The following OLA1 variants were observed in gnomAD, a reference collection of about 807,000 sequenced individuals.
OLA1 encodes the protein Obg like ATPase 1.
In OLA1, 14 loss-of-function variants were observed where a neutral mutation model predicts 48.4. The ratio of observed to expected loss-of-function variants is 0.29; its 90% CI spans 0.19 to 0.45. The LOEUF (loss-of-function observed/expected upper bound fraction) is 0.45. Among genes scored for constraint, OLA1 ranks in the 20% least tolerant of loss-of-function variants. The pLI is 1.00. For synonymous variants in OLA1, 127 were observed against 150.4 expected, an observed-to-expected ratio of 0.84 and a Z score of 1.14; for missense variants, 325 against 467.1, an observed-to-expected ratio of 0.70 and a Z score of 2.80.
intron 7 of OLA1, among the ~76,000 whole-genome samples, chr2:174,117,016 T>C (rs1685800586): frequency 6.6e-6 from 1 of 152,100 alleles, no homozygotes; most frequent in Non-Finnish European, 1.5e-5. Context: ...AGGGTGACAA[T>C]AAAATCCTCT....
At chr2:174,157,014 T>TAAAAAAAAAA (rs57431404) in intron 4 of OLA1, among the ~76,000 whole-genome samples, 1 of 125,036 alleles carries the variant, frequency 8.0e-6, no homozygotes. Context: ...TGGTCAAATC[T>TAAAAAAAAAA]AAAAAAAAAA....
intron 7 of OLA1, among the ~76,000 whole-genome samples, chr2:174,104,598 C>A (rs1685472895): frequency 6.6e-6 from 1 of 151,978 alleles, no homozygotes; most frequent in Non-Finnish European, 1.5e-5. Context: ...ACCAGCATAA[C>A]TACTTAAAAT....
rs913395653 is a variant in OLA1, at chr2:174,246,124, A to G, written c.101+591T>C. ...AGACCAGCCTGGCCAACATGGTGAAACCCCGTCTCTACTAAAAATACAAAA... is the reference window on the plus strand; with the variant it reads ...AGACCAGCCTGGCCAACATGGTGAAGCCCCGTCTCTACTAAAAATACAAAA... On this transcript the variant is annotated intron_variant, in intron 2 of 10. Coordinates refer to ENST00000284719, the MANE Select transcript of OLA1 (RefSeq NM_013341.5). Among the ~76,000 whole-genome samples, 3 of 151,242 alleles carry G rather than the reference A, an allele frequency of 2.0e-5. No individual in the cohort carries two copies. The East Asian group carries it at 5.9e-4, about 30-fold the overall frequency.
At chr2:174,191,289 GA>G (rs1407711869) in intron 4 of OLA1, among the ~76,000 whole-genome samples, 1 of 149,912 alleles carries the variant, frequency 6.7e-6, no homozygotes, top group East Asian at 1.9e-4. Flanking sequence ...TGTCATTTAG[GA>G]AACTGACAAG....
intron 7 of OLA1, among the ~76,000 whole-genome samples, chr2:174,093,864 G>A (rs1363210503): frequency 1.3e-5 from 2 of 152,180 alleles, no homozygotes; most frequent in Non-Finnish European, 2.9e-5. Flanking sequence ...GTTCAAAGAG[G>A]ACAACAACAA....
At chr2:174,218,686 A>T (rs1295507503) in intron 4 of OLA1, among the ~76,000 whole-genome samples, 2 of 152,264 alleles carry the variant, frequency 1.3e-5, no homozygotes, top group African/African-American at 4.8e-5. Context: ...TACTGAAAAT[A>T]AAACTTCAGC....
At chr2:174,102,923 T>C (rs1007309153) in intron 7 of OLA1, among the ~76,000 whole-genome samples, 2 of 152,198 alleles carry the variant, frequency 1.3e-5, no homozygotes, top group African/African-American at 2.4e-5. Flanking sequence ...TTTTCCTTCA[T>C]TTGTACACAG....
intron 2 of OLA1, among the ~76,000 whole-genome samples, chr2:174,235,030 A>G (rs1688814013): frequency 6.6e-6 from 1 of 152,068 alleles, no homozygotes; most frequent in African/African-American, 2.4e-5. Context: ...ATGGTGGCAC[A>G]TGCCTGTAAT....
chr2:174,214,353 A>ACTG (rs1688314545), intron 4 of OLA1, among the ~76,000 whole-genome samples: 1 of 152,072 alleles, frequency 6.6e-6, no homozygotes, highest in African/African-American at 2.4e-5. Context: ...ATAAATAAAC[A>ACTG]GTACTAACTA....
intron 7 of OLA1, among the ~76,000 whole-genome samples, chr2:174,104,472 T>C (rs11681721): frequency 0.28 from 42,638 of 152,004 alleles, 6,511 homozygotes; most frequent in Non-Finnish European, 0.35. Context: ...TCTTTGGTTG[T>C]AATTCATACA....
chr2:174,219,213 C>T (rs1443912218), intron 4 of OLA1, among the ~76,000 whole-genome samples: 8 of 149,468 alleles, frequency 5.4e-5, no homozygotes, highest in Admixed American at 1.3e-4. Flanking sequence ...CAGGCCAAGG[C>T]GGAGGACTGC....
intron 7 of OLA1, among the ~76,000 whole-genome samples, chr2:174,110,905 A>G (rs1387066273): frequency 6.6e-6 from 1 of 152,180 alleles, no homozygotes; most frequent in African/African-American, 2.4e-5. Flanking sequence ...TTATATAAGC[A>G]GGACTCAAGT....
chr2:174,191,905 A>C (rs762557145), intron 4 of OLA1, among the ~76,000 whole-genome samples: 200 of 152,334 alleles, frequency 1.3e-3, no homozygotes, highest in Non-Finnish European at 2.1e-3. Context: ...ATCACAGCAC[A>C]TATGTACAAA....
At chr2:174,188,124 A>G (rs1401996694) in intron 4 of OLA1, among the ~76,000 whole-genome samples, 4 of 152,198 alleles carry the variant, frequency 2.6e-5, no homozygotes, top group African/African-American at 7.2e-5. Flanking sequence ...GCAGAAGTAC[A>G]TATGGACCAC....
intron 4 of OLA1, among the ~76,000 whole-genome samples, chr2:174,204,692 T>C (rs1407515218): frequency 2.6e-5 from 4 of 151,968 alleles, no homozygotes; most frequent in Non-Finnish European, 5.9e-5. Flanking sequence ...CTATTATTAA[T>C]AATAAAGCTA....
At chr2:174,106,600 C>T (rs1407306424) in intron 7 of OLA1, among the ~76,000 whole-genome samples, 1 of 152,106 alleles carries the variant, frequency 6.6e-6, no homozygotes, top group Non-Finnish European at 1.5e-5. Flanking sequence ...CATAACCAAA[C>T]TGTTTTCAGC....
At chr2:174,181,618 T>C (rs919176723) in intron 4 of OLA1, among the ~76,000 whole-genome samples, 6 of 151,266 alleles carry the variant, frequency 4.0e-5, no homozygotes, top group Non-Finnish European at 5.9e-5. Flanking sequence ...AAAGGTAGAG[T>C]ATATGATGCA....
chr2:174,159,744 G>A (rs1364809222), intron 4 of OLA1, among the ~76,000 whole-genome samples: 1 of 152,034 alleles, frequency 6.6e-6, no homozygotes, highest in Non-Finnish European at 1.5e-5. Context: ...TTATCCATCA[G>A]TATTGCTATT....
chr2:174,098,163 T>C (rs577259262), intron 7 of OLA1, among the ~76,000 whole-genome samples: 1 of 152,318 alleles, frequency 6.6e-6, no homozygotes, highest in Non-Finnish European at 1.5e-5. Context: ...CGTGAAACAA[T>C]TCCTATTGAC....
Sources: gnomAD v4.1 joint callset for allele counts (sites outside exome capture counted in the v4.1 genomes callset) on GRCh38, gnomAD v4.1.1 for gene constraint, MANE v1.5 for transcripts, NCBI Gene and HGNC (gene_info 2026-07-23, HGNC 2026-07-21) for gene names.